ATRNL1: variants seen among roughly 807,000 people sequenced by gnomAD.
The protein encoded by ATRNL1 is attractin like 1, also known as attractin-like protein 1.
A neutral mutation model predicts 182.7 loss-of-function variants in ATRNL1; 95 were observed. That is an observed-to-expected ratio of 0.52 (90% CI 0.44 to 0.62). The LOEUF is 0.62. Ranked by LOEUF, ATRNL1 falls within the 20% of genes least tolerant of loss-of-function variation. The pLI is 0.00. For synonymous variants in ATRNL1, 576 were observed against 568.3 expected (o/e 1.01, Z -0.19); for missense variants, 1,471 against 1,679.5 (o/e 0.88, Z 2.17).
intron 26 of ATRNL1, among the ~76,000 whole-genome samples, chr10:115,647,848 T>A (rs1225964811): frequency 1.3e-5 from 2 of 152,200 alleles, no homozygotes; most frequent in Non-Finnish European, 2.9e-5. Context: ...GCTTTTGGTG[T>A]TTTAGTCATG....
intron 28 of ATRNL1, among the ~76,000 whole-genome samples, chr10:115,866,529 G>C (rs1951443316): frequency 6.6e-6 from 1 of 152,138 alleles, no homozygotes; most frequent in Non-Finnish European, 1.5e-5. Context: ...CAAAATCAAA[G>C]TTCAAAAACC....
intron 27 of ATRNL1, among the ~76,000 whole-genome samples, chr10:115,821,354 TCAATGGTCTTTA>T (rs1388707073): frequency 2.0e-5 from 3 of 152,308 alleles, no homozygotes; most frequent in South Asian, 2.1e-4. Context: ...CTTCATACTG[TCAATGGTCTTTA>T]CAATTTGGTA....
chr10:115,177,903 G>GTTTTTTTTTTTTT (rs147613896), intron 8 of ATRNL1, among the ~76,000 whole-genome samples: 6 of 102,070 alleles, frequency 5.9e-5, no homozygotes, highest in South Asian at 3.2e-4. Flanking sequence ...TTGTTTTTTT[G>GTTTTTTTTTTTTT]TTTTTTTTGT....
chr10:115,818,212 C>A (rs1950212637), intron 27 of ATRNL1, among the ~76,000 whole-genome samples: 1 of 147,898 alleles, frequency 6.8e-6, no homozygotes, highest in African/African-American at 2.5e-5. Context: ...GGACAGTCAG[C>A]CAATGCTTTA....
chr10:115,287,053 A>G (rs534266792), intron 15 of ATRNL1, among the ~76,000 whole-genome samples: 24 of 152,090 alleles, frequency 1.6e-4, no homozygotes, highest in Non-Finnish European at 2.9e-4. Context: ...TCCTCCATGG[A>G]TACAGAGAGA....
chr10:115,109,853 C>A (rs1367682636), intron 1 of ATRNL1, among the ~76,000 whole-genome samples: 4 of 152,128 alleles, frequency 2.6e-5, no homozygotes, highest in Non-Finnish European at 5.9e-5. Flanking sequence ...ACCATATTCA[C>A]CTTTTAAAGA....
At chr10:115,124,673 C>T (rs1844888106) in intron 3 of ATRNL1, among the ~76,000 whole-genome samples, 1 of 152,118 alleles carries the variant, frequency 6.6e-6, no homozygotes, top group Admixed American at 6.6e-5. Context: ...GTGGCCATCC[C>T]CTATTCTGAA....
intron 19 of ATRNL1, among the ~76,000 whole-genome samples, chr10:115,344,310 A>G (rs1356651785): frequency 6.6e-6 from 1 of 152,180 alleles, no homozygotes; most frequent in African/African-American, 2.4e-5. Flanking sequence ...TTAGTGTTCT[A>G]TTGTACTTTG....
At chr10:115,760,047 CA>C (rs1555073182) in intron 27 of ATRNL1, among the ~76,000 whole-genome samples, 2 of 151,262 alleles carry the variant, frequency 1.3e-5, no homozygotes, top group African/African-American at 4.9e-5. Context: ...ATAAAATTTA[CA>C]GAAATAAAAA....
At position 115,641,067 on chromosome 10, in the gene ATRNL1, C is replaced by T. The variant is rs980028148; in HGVS notation, c.3796-86181C>T. 2.6e-5 allele frequency among the ~76,000 whole-genome samples: 4 copies of T among 152,166 alleles called. No homozygotes were observed. In the South Asian group the frequency reaches 8.3e-4, roughly 32 times the overall value. ...TGCTTTTAAAGGTAGGAACAAAATG[C>T]AGTTGCTTACAACCACCAGTGTTAT... is the stretch of plus-strand genomic sequence containing the variant. On this transcript the variant is annotated intron_variant, in intron 26 of 28. Coordinates refer to ENST00000355044, the MANE Select transcript of ATRNL1 (RefSeq NM_207303.4).
intron 26 of ATRNL1, among the ~76,000 whole-genome samples, chr10:115,650,706 A>C (rs1224299847): frequency 1.3e-5 from 2 of 152,056 alleles, no homozygotes; most frequent in Admixed American, 1.3e-4. Flanking sequence ...TTTGCCCATA[A>C]AAATTAAATG....
At chr10:115,786,211 A>G (rs1949393253) in intron 27 of ATRNL1, among the ~76,000 whole-genome samples, 1 of 152,030 alleles carries the variant, frequency 6.6e-6, no homozygotes, top group Non-Finnish European at 1.5e-5. Flanking sequence ...CCATTACCCA[A>G]TTCCAAATTC....
At chr10:115,717,757 A>T (rs1947302921) in intron 26 of ATRNL1, among the ~76,000 whole-genome samples, 1 of 151,764 alleles carries the variant, frequency 6.6e-6, no homozygotes, top group Non-Finnish European at 1.5e-5. Context: ...TCACCATGTC[A>T]GTTGGCCAGT....
intron 24 of ATRNL1, among the ~76,000 whole-genome samples, chr10:115,478,613 T>C (rs1554973591): frequency 6.6e-6 from 1 of 151,714 alleles, no homozygotes. Flanking sequence ...TGGCATATAA[T>C]GTAACGTAAT....
chr10:115,100,030 G>A (rs1260425503), intron 1 of ATRNL1, among the ~76,000 whole-genome samples: 1 of 152,174 alleles, frequency 6.6e-6, no homozygotes, highest in Non-Finnish European at 1.5e-5. Context: ...TGTGGCTCAT[G>A]TGTGTAATCC....
intron 18 of ATRNL1, among the ~76,000 whole-genome samples, chr10:115,327,293 C>G (rs1854948911): frequency 6.6e-6 from 1 of 150,552 alleles, no homozygotes; most frequent in African/African-American, 2.4e-5. Flanking sequence ...ACAGACACTT[C>G]TCAAAAGAAG....
At chr10:115,245,939 C>T (rs909643472) in intron 10 of ATRNL1, among the ~76,000 whole-genome samples, 2 of 152,064 alleles carry the variant, frequency 1.3e-5, no homozygotes, top group African/African-American at 2.4e-5. Flanking sequence ...AGCCAACTGT[C>T]GACTGTTTTA....
intron 1 of ATRNL1, among the ~76,000 whole-genome samples, chr10:115,108,311 T>C (rs1295291286): frequency 1.3e-5 from 2 of 152,142 alleles, no homozygotes; most frequent in African/African-American, 2.4e-5. Flanking sequence ...TACCCTGGGG[T>C]TCATCATCAT....
At chr10:115,523,796 T>G (rs906893129) in intron 25 of ATRNL1, among the ~76,000 whole-genome samples, 7 of 152,340 alleles carry the variant, frequency 4.6e-5, no homozygotes, top group African/African-American at 1.2e-4. Flanking sequence ...TTTTTCTATC[T>G]TATGAGCACT....
Sources: allele counts gnomAD v4.1 joint callset (sites outside exome capture counted in the v4.1 genomes callset), GRCh38; gene constraint gnomAD v4.1.1; transcripts MANE v1.5; gene names NCBI Gene and HGNC (gene_info 2026-07-23, HGNC 2026-07-21).